The following ITPR2 variants were observed in gnomAD, a reference collection of about 807,000 sequenced individuals.
The protein encoded by ITPR2 is inositol 1,4,5-trisphosphate receptor type 2.
Under a neutral mutation model 317.1 loss-of-function variants are expected in ITPR2, and 207 were observed. The observed-to-expected ratio is 0.65, with a 90% CI of 0.58 to 0.73. The LOEUF (loss-of-function observed/expected upper bound fraction) is 0.73. Among genes scored for constraint, ITPR2 ranks in the 30% least tolerant of loss-of-function variants. The pLI is 0.00. For missense variants in ITPR2, 2,613 were observed against 3,284.0 expected (o/e 0.80, Z 4.99); for synonymous variants, 1,156 against 1,149.1 (o/e 1.01, Z -0.12).
chr12:26,631,102 G>A (rs1247390354), intron 22 of ITPR2, among the ~76,000 whole-genome samples: 4 of 152,160 alleles, frequency 2.6e-5, no homozygotes, highest in Admixed American at 2.0e-4. Flanking sequence ...ACAGTAAACT[G>A]TACCTAGATT....
chr12:26,460,729 G>A (rs773088765), intron 45 of ITPR2, among the ~76,000 whole-genome samples: 3 of 152,202 alleles, frequency 2.0e-5, no homozygotes, highest in Admixed American at 1.3e-4. Context: ...CTCTGGGGTC[G>A]GGGTCCCGGA....
At chr12:26,505,235 A>G (rs1393413) in intron 37 of ITPR2, among the ~76,000 whole-genome samples, 80,315 of 152,006 alleles carry the variant, frequency 0.53, 22,042 homozygotes, top group South Asian at 0.65. Context: ...ATGTTCTGTT[A>G]CTTTCCAGCT....
At chr12:26,407,505 G>A (rs531706385) in intron 52 of ITPR2, among the ~76,000 whole-genome samples, 1 of 152,060 alleles carries the variant, frequency 6.6e-6, no homozygotes, top group Non-Finnish European at 1.5e-5. Flanking sequence ...TAGGGGTGGG[G>A]ACAAAATCAA....
chr12:26,484,887 A>AT (rs987351781), intron 41 of ITPR2, among the ~76,000 whole-genome samples: 4 of 150,212 alleles, frequency 2.7e-5, no homozygotes, highest in African/African-American at 9.8e-5. Flanking sequence ...AATTTTTTGT[A>AT]TTTTTTTTTA....
chr12:26,468,665 G>T (rs1942229951), intron 45 of ITPR2, among the ~76,000 whole-genome samples: 1 of 151,448 alleles, frequency 6.6e-6, no homozygotes, highest in Admixed American at 6.6e-5. Flanking sequence ...GATAGTAACA[G>T]AAAAATATCT....
At chr12:26,698,157 G>C (rs1224536687) in intron 9 of ITPR2, among the ~76,000 whole-genome samples, 1 of 152,146 alleles carries the variant, frequency 6.6e-6, no homozygotes, top group African/African-American at 2.4e-5. Context: ...ATTTTCCTCA[G>C]CTGAAGAAAG....
chr12:26,678,439 T>A (rs933800727), intron 13 of ITPR2, among the ~76,000 whole-genome samples: 5 of 151,070 alleles, frequency 3.3e-5, no homozygotes, highest in Non-Finnish European at 5.9e-5. Flanking sequence ...AAAAAAAAAA[T>A]TCCAACAACA....
At chr12:26,511,153 C>G (rs1261745666) in intron 37 of ITPR2, among the ~76,000 whole-genome samples, 2 of 152,204 alleles carry the variant, frequency 1.3e-5, no homozygotes, top group Non-Finnish European at 2.9e-5. Flanking sequence ...TTCTGGGTGT[C>G]TAATTGTTTA....
intron 35 of ITPR2, 75 bp downstream of exon 35, chr12:26,561,687 T>G: frequency 8.2e-7 from 1 of 1,220,750 alleles, no homozygotes; most frequent in Non-Finnish European, 1.1e-6. Context: ...TTAAACCATA[T>G]TTTATTTATG....
At chr12:26,799,870 G>A (rs1212050360) in intron 1 of ITPR2, among the ~76,000 whole-genome samples, 1 of 152,156 alleles carries the variant, frequency 6.6e-6, no homozygotes, top group Non-Finnish European at 1.5e-5. Context: ...ATTTAGTGGT[G>A]GCTGAGCTGA....
chr12:26,361,477 T>G (rs1938830065), intron 55 of ITPR2, among the ~76,000 whole-genome samples: 2 of 152,096 alleles, frequency 1.3e-5, no homozygotes, highest in South Asian at 4.1e-4. Context: ...AAAAAATGGG[T>G]GAAGATTTGG....
At chr12:26,614,786 G>C (rs1168517229) in intron 26 of ITPR2, among the ~76,000 whole-genome samples, 1 of 152,134 alleles carries the variant, frequency 6.6e-6, no homozygotes, top group Non-Finnish European at 1.5e-5. Context: ...TGGTTGGCAG[G>C]GACTCAGGGG....
intron 2 of ITPR2, among the ~76,000 whole-genome samples, chr12:26,772,027 G>C (rs1433759298): frequency 5.3e-5 from 8 of 152,070 alleles, no homozygotes; most frequent in African/African-American, 1.4e-4. Flanking sequence ...GTCACATTTA[G>C]TTGTCATTGA....
chr12:26,592,187 G>A (rs1463580780), intron 32 of ITPR2, among the ~76,000 whole-genome samples: 9 of 152,134 alleles, frequency 5.9e-5, no homozygotes, highest in African/African-American at 1.9e-4. Flanking sequence ...TTATTTGTGG[G>A]CACTAAAAAA....
intron 1 of ITPR2, among the ~76,000 whole-genome samples, chr12:26,821,819 C>T (rs1565789840): frequency 6.6e-6 from 1 of 152,138 alleles, no homozygotes; most frequent in Non-Finnish European, 1.5e-5. Flanking sequence ...ACAAGGTTTG[C>T]AAATAATTTA....
chr12:26,526,083 A>C (rs1413856351), intron 37 of ITPR2, among the ~76,000 whole-genome samples: 1 of 152,196 alleles, frequency 6.6e-6, no homozygotes, highest in East Asian at 1.9e-4. Flanking sequence ...TCCTCTGCTT[A>C]TATCAGCTGC....
chr12:26,589,451 T>G (rs984059748), intron 32 of ITPR2, among the ~76,000 whole-genome samples: 4 of 152,018 alleles, frequency 2.6e-5, no homozygotes, highest in African/African-American at 2.4e-5. Context: ...GTGGTATGAG[T>G]GCTAATTTCA....
intron 26 of ITPR2, among the ~76,000 whole-genome samples, chr12:26,608,614 G>C (rs1448147574): frequency 6.6e-6 from 1 of 151,054 alleles, no homozygotes; most frequent in Non-Finnish European, 1.5e-5. Context: ...CCGCCCCACT[G>C]TCTGGGAAGA....
At chr12:26,646,244 G>A (rs1192432696) in intron 21 of ITPR2, among the ~76,000 whole-genome samples, 1 of 151,756 alleles carries the variant, frequency 6.6e-6, no homozygotes, top group Non-Finnish European at 1.5e-5. Flanking sequence ...TAACCTCGTA[G>A]TTTTATAAAA....
Sources: gnomAD v4.1 joint callset for allele counts (sites outside exome capture counted in the v4.1 genomes callset) on GRCh38, gnomAD v4.1.1 for gene constraint, MANE v1.5 for transcripts, NCBI Gene and HGNC (gene_info 2026-07-23, HGNC 2026-07-21) for gene names.